ZDHHC2: variants seen among roughly 807,000 people sequenced by gnomAD.
ZDHHC2 encodes zDHHC palmitoyltransferase 2, also known as palmitoyltransferase ZDHHC2.
In ZDHHC2, 51 loss-of-function variants were observed where a neutral mutation model predicts 55.6. That is an observed-to-expected ratio of 0.92 (90% CI 0.73 to 1.16). ZDHHC2 has a LOEUF of 1.16. ZDHHC2 is among the 50% of genes most tolerant of loss of function. The pLI is 0.00. For synonymous variants in ZDHHC2, 199 were observed against 152.9 expected (o/e 1.30, Z -2.22); for missense variants, 491 against 442.4 (o/e 1.11, Z -0.99).
At chr8:17,173,185 G>A (rs568098984) in intron 1 of ZDHHC2, among the ~76,000 whole-genome samples, 13 of 152,186 alleles carry the variant, frequency 8.5e-5, no homozygotes, top group Non-Finnish European at 1.8e-4. Flanking sequence ...CGAGGCATCC[G>A]ATGTCACAGA....
At chr8:17,174,379 A>G (rs887338894) in intron 1 of ZDHHC2, among the ~76,000 whole-genome samples, 2 of 152,194 alleles carry the variant, frequency 1.3e-5, no homozygotes, top group Admixed American at 1.3e-4. Context: ...AAATACAGGT[A>G]TTATCACGAA....
At position 17,222,913 on chromosome 8, in the gene ZDHHC2, T is replaced by A. The variant is rs781417847; in HGVS notation, c.*2692T>A. 2.6e-5 allele frequency: 4 copies of A among 151,868 alleles called. No homozygotes were observed. The highest frequency in any genetic ancestry group is 4.8e-5 in the African/African-American group (2 of 41,418). 9.4% of individuals were successfully genotyped at this position (151,868 alleles called of 1,614,324 possible). Reference sequence around the variant, plus strand: ...AATAAGGTATTTACTTTGTAGTAGTTAAGTGATTCTGAGGACAATTAGAAA... The same window carrying A: ...AATAAGGTATTTACTTTGTAGTAGTAAAGTGATTCTGAGGACAATTAGAAA... On this transcript the variant is annotated 3_prime_UTR_variant, in exon 13 of 13. Coordinates refer to ENST00000262096, the MANE Select transcript of ZDHHC2 (RefSeq NM_016353.5).
chr8:17,184,547 C>T (rs899817557), intron 1 of ZDHHC2, among the ~76,000 whole-genome samples: 4 of 152,186 alleles, frequency 2.6e-5, no homozygotes, highest in Non-Finnish European at 4.4e-5. Flanking sequence ...AGTTTTGTTC[C>T]GCAGGACAGG....
intron 6 of ZDHHC2, among the ~76,000 whole-genome samples, chr8:17,199,015 C>G (rs1806471212): frequency 1.3e-5 from 2 of 152,122 alleles, no homozygotes; most frequent in Admixed American, 1.3e-4. Flanking sequence ...AATTTTTCAT[C>G]TCAGTGTAGG....
rs1022436022 is a variant in ZDHHC2, at chr8:17,224,565, CTGTT to C, written c.*4347_*4350del. On this transcript the variant is annotated 3_prime_UTR_variant, in exon 13 of 13. Coordinates refer to ENST00000262096, the MANE Select transcript of ZDHHC2 (RefSeq NM_016353.5). Reference sequence around the variant, plus strand: ...ATTATTAATGCTTAATATATTGCTTCTGTTTGATTGATAAAGGTGCTTAATCAAT... The same window carrying C: ...ATTATTAATGCTTAATATATTGCTTCTGATTGATAAAGGTGCTTAATCAAT... 49 of 151,426 alleles carry C rather than the reference CTGTT, an allele frequency of 3.2e-4. No homozygotes were observed. Among genetic ancestry groups the C allele is most frequent in the African/African-American group, 1.1e-3 (47 of 41,374 alleles). The allele number at this position is 151,426 out of a possible 1,614,324, so 9.4% of individuals were successfully genotyped here. A position where few individuals can be genotyped will look rare whatever the true frequency, so the allele number is the denominator to read the frequency against.
intron 1 of ZDHHC2, among the ~76,000 whole-genome samples, chr8:17,175,938 G>C (rs1381174184): frequency 6.6e-6 from 1 of 152,180 alleles, no homozygotes; most frequent in Non-Finnish European, 1.5e-5. Flanking sequence ...GTGTGTTTTT[G>C]AAACAGGAGC....
At chr8:17,177,605 C>T (rs931978806) in intron 1 of ZDHHC2, among the ~76,000 whole-genome samples, 2 of 152,116 alleles carry the variant, frequency 1.3e-5, no homozygotes, top group Non-Finnish European at 2.9e-5. Flanking sequence ...TCTTATTTAC[C>T]ATTTTGTTCT....
At chr8:17,198,263 AT>A in intron 5 of ZDHHC2, 117 bp from the exon 6 acceptor site, 1 of 873,112 alleles carries the variant, frequency 1.1e-6, no homozygotes, top group Non-Finnish European at 1.6e-6. Context: ...TAAGTAAATA[AT>A]TTTGCAATAT....
At chr8:17,195,652 A>G (rs778126057) in intron 4 of ZDHHC2, 28 bp downstream of exon 4, 57 of 1,612,566 alleles carry the variant, frequency 3.5e-5, no homozygotes, top group East Asian at 2.2e-4. Context: ...GTGCTTTGCA[A>G]TGGTATGCAA....
chr8:17,190,268 G>GA (rs1383315632), intron 3 of ZDHHC2, among the ~76,000 whole-genome samples: 1 of 150,850 alleles, frequency 6.6e-6, no homozygotes, highest in Non-Finnish European at 1.5e-5. Flanking sequence ...AAAAAAAAAA[G>GA]AAAAGAAAAG....
chr8:17,215,745 C>G (rs1242852025), intron 11 of ZDHHC2, among the ~76,000 whole-genome samples: 2 of 152,182 alleles, frequency 1.3e-5, no homozygotes, highest in African/African-American at 4.8e-5. Flanking sequence ...AGATTTCTGT[C>G]CAATTTCAAA....
chr8:17,222,811 G>GTTT lies in ZDHHC2; in HGVS notation c.*2591_*2593dup, dbSNP rs1309947100. ...ATTTTAAGCATAAATTTTCCTAATA[G>GTTT]TTTATTAGAGCTACTAATGGCAAAA... On this transcript the variant is annotated 3_prime_UTR_variant, in exon 13 of 13. Coordinates refer to ENST00000262096, the MANE Select transcript of ZDHHC2 (RefSeq NM_016353.5). The GTTT allele has an allele frequency of 6.6e-6, 1 of 151,846 alleles. No homozygotes were observed. The highest frequency in any genetic ancestry group is 1.5e-5 in the Non-Finnish European group (1 of 67,818). The allele number at this position is 151,846 out of a possible 1,614,324, so 9.4% of individuals were successfully genotyped here. A position where few individuals can be genotyped will look rare whatever the true frequency, so the allele number is the denominator to read the frequency against.
intron 1 of ZDHHC2, among the ~76,000 whole-genome samples, chr8:17,168,467 T>G (rs1351233138): frequency 6.6e-6 from 1 of 152,210 alleles, no homozygotes; most frequent in Non-Finnish European, 1.5e-5. Context: ...AGCAGATTTT[T>G]TTTTATTTTT....
At chr8:17,199,645 T>TCCTCCTC (rs374657869) in intron 6 of ZDHHC2, among the ~76,000 whole-genome samples, 1 of 55,722 alleles carries the variant, frequency 1.8e-5, no homozygotes, top group African/African-American at 3.5e-5. Context: ...CTTCTCCTCC[T>TCCTCCTC]CCTCCTCCCT....
chr8:17,162,239 A>G (rs1410686896), intron 1 of ZDHHC2, among the ~76,000 whole-genome samples: 1 of 152,240 alleles, frequency 6.6e-6, no homozygotes, highest in African/African-American at 2.4e-5. Context: ...TAAGGCAATT[A>G]GCACAGTCTT....
At chr8:17,187,814 A>C (rs1805792340) in intron 3 of ZDHHC2, among the ~76,000 whole-genome samples, 1 of 152,078 alleles carries the variant, frequency 6.6e-6, no homozygotes, top group Non-Finnish European at 1.5e-5. Flanking sequence ...CTCCCCCTTA[A>C]ATTTCAAACT....
rs1385817916 is a variant in ZDHHC2 at position 17,200,044 on chromosome 8, C to G, written c.476+1631C>G. ...TGCTGGGATTACAGGCGCGAGCCAC[C>G]ATGCCTGGCCAACGTCTTCTTAATT... On this transcript the variant is annotated intron_variant, in intron 6 of 12. Transcript: ENST00000262096. 2.0e-5 allele frequency among the ~76,000 whole-genome samples: 3 copies of G among 152,300 alleles called. No individual in the cohort carries two copies. The South Asian group carries it at 6.2e-4, about 32-fold the overall frequency.
intron 1 of ZDHHC2, among the ~76,000 whole-genome samples, chr8:17,168,144 A>C (rs902421911): frequency 3.3e-5 from 5 of 152,194 alleles, no homozygotes; most frequent in Non-Finnish European, 5.9e-5. Flanking sequence ...AGGATTTTAC[A>C]TTCTCTTTCA....
chr8:17,166,163 C>T (rs1049100215), intron 1 of ZDHHC2, among the ~76,000 whole-genome samples: 3 of 152,162 alleles, frequency 2.0e-5, no homozygotes, highest in South Asian at 2.1e-4. Flanking sequence ...AAAGATCTTT[C>T]TGGCCGCTGT....
Sources: allele counts gnomAD v4.1 joint callset (sites outside exome capture counted in the v4.1 genomes callset), GRCh38; gene constraint gnomAD v4.1.1; transcripts MANE v1.5; gene names NCBI Gene and HGNC (gene_info 2026-07-23, HGNC 2026-07-21).